CRAT: variants seen among roughly 807,000 people sequenced by gnomAD.
The protein encoded by CRAT is carnitine acetylase.
In CRAT, 66 loss-of-function variants were observed where a neutral mutation model predicts 73.7. The ratio of observed to expected loss-of-function variants is 0.90; its 90% CI spans 0.73 to 1.10. The LOEUF (loss-of-function observed/expected upper bound fraction) is 1.10, where lower values mean the gene tolerates loss of function less well. Among genes scored for constraint, CRAT ranks in the 50% least tolerant of loss-of-function variants. CRAT has a pLI of 0.00. For synonymous variants in CRAT, 321 were observed against 343.2 expected (o/e 0.94, Z 0.71); for missense variants, 745 against 846.9 (o/e 0.88, Z 1.49).
In CRAT at chr9:129,095,409, C is replaced by G. The variant is rs773085650; in HGVS notation, c.1869G>C (p.Arg623=). The stretch of plus-strand genomic sequence containing the variant: ...GAGTCCTAGGGGCTCAGAGCTTGGC[C>G]CGGGGGTGGCTCTGCAGCAGGGCAC... ...DMRALLQSHP[R]AKL is the part of the protein sequence containing the mutation. Residue 623 remains arginine (R), a synonymous_variant, in exon 14 of 14, where the codon CGG becomes CGC. Coordinates refer to ENST00000318080, the MANE Select transcript of CRAT (RefSeq NM_000755.5). The G allele has an allele frequency of 1.9e-6, 3 of 1,611,200 alleles. No individual in the cohort carries two copies. The South Asian group carries it at 3.3e-5, about 18-fold the overall frequency.
At position 129,098,619 on chromosome 9, in the gene CRAT, C is replaced by T; in HGVS notation, c.1117G>A (p.Val373Met). 4 of 1,600,386 alleles carry T rather than the reference C, an allele frequency of 2.5e-6. No individual in the cohort carries two copies. In the South Asian group the frequency reaches 3.4e-5, roughly 13 times the overall value. The part of the protein sequence containing the change: ...KKPELVRSPL[V>M]PLPMPKKLRF... ...AGCTTCTTGGGCATGGGCAGGGGCACCAGGGGAGACCGCACAAGCTCGGGT... is the reference window on the plus strand; with the variant it reads ...AGCTTCTTGGGCATGGGCAGGGGCATCAGGGGAGACCGCACAAGCTCGGGT... Residue 373 changes from valine to methionine, a missense_variant, in exon 9 of 14, where the codon GTG (valine) becomes ATG (methionine). Val to Met is a conservative substitution (Grantham distance 21). Transcript: ENST00000318080.
At chr9:129,109,849 G>A (rs1210643242) in intron 1 of CRAT, among the ~76,000 whole-genome samples, 1 of 151,706 alleles carries the variant, frequency 6.6e-6, no homozygotes, top group Admixed American at 6.6e-5. Flanking sequence ...GAGGACTGAG[G>A]GGTAGATATA....
At position 129,100,570 on chromosome 9, in the gene CRAT, G is replaced by C; in HGVS notation, c.925C>G (p.Leu309Val). Reference protein sequence around the residue: ...VYRSHVAGQMLHGGGSRLNSG... With the variant: ...VYRSHVAGQMVHGGGSRLNSG... ...TTGAGCCTGCTGCCGCCCCCATGCAGCATCTGGCCTGCCACGTGGCTGCGG... is the reference window on the plus strand; with the variant it reads ...TTGAGCCTGCTGCCGCCCCCATGCACCATCTGGCCTGCCACGTGGCTGCGG... Residue 309 changes from leucine (L) to valine (V), a missense_variant, in exon 7 of 14, where the codon CTG becomes GTG. By Grantham distance (32) the Leu-to-Val change is conservative. Transcript: ENST00000318080. The C allele has an allele frequency of 6.2e-7, 1 of 1,613,942 alleles. No homozygotes were observed. Among genetic ancestry groups the C allele is most frequent in the South Asian group, 1.1e-5 (1 of 91,090 alleles).
intron 6 of CRAT, among the ~76,000 whole-genome samples, chr9:129,101,396 T>C (rs1321184610): frequency 6.6e-6 from 1 of 152,222 alleles, no homozygotes; most frequent in Non-Finnish European, 1.5e-5. Flanking sequence ...ATTGCCATCA[T>C]GTTCCCATGC....
Position 129,102,059 on chromosome 9 carries a change from T to C in CRAT, c.631-2A>G, listed in dbSNP as rs1196759024. On this transcript the variant is annotated splice_acceptor_variant, in intron 5 of 13. Coordinates refer to ENST00000318080, the MANE Select transcript of CRAT (RefSeq NM_000755.5). LOFTEE classifies it high-confidence loss of function. ...GTGGTACACATCCAGCTCAAAAAAC[T>C]GTTGGGGCACAGGCAGGTAAGAGGA... The C allele has an allele frequency of 6.2e-7, 1 of 1,613,558 alleles. No individual in the cohort carries two copies. Among genetic ancestry groups the C allele is most frequent in the South Asian group, 1.1e-5 (1 of 91,010 alleles).
intron 11 of CRAT, 103 bp downstream of exon 11, chr9:129,097,910 T>C (rs980282308): frequency 6.7e-7 from 1 of 1,494,398 alleles, no homozygotes; most frequent in South Asian, 1.3e-5. Context: ...GTGCCCACCA[T>C]GGGGCTGGAA....
Position 129,095,851 on chromosome 9 carries a change from C to T in CRAT, c.1665+147G>A, listed in dbSNP as rs939333069. 16 of 1,201,548 alleles carry T rather than the reference C, an allele frequency of 1.3e-5. 1 individual carries two copies. In the South Asian group the frequency reaches 1.8e-4, roughly 13 times the overall value. 74.4% of individuals were successfully genotyped at this position (1,201,548 alleles called of 1,614,324 possible). A position where few individuals can be genotyped will look rare whatever the true frequency, so the allele number is the denominator to read the frequency against. ...GAGCACTGACCCCTTCTCAGCCTGC[C>T]TGGGCTGCAGAGAGGCCCCTGCCCC... On this transcript the variant is annotated intron_variant, in intron 13 of 13. Coordinates refer to ENST00000318080, the MANE Select transcript of CRAT (RefSeq NM_000755.5).
At position 129,110,445 on chromosome 9, in the gene CRAT, C is replaced by T. The variant is rs1250371150; in HGVS notation, c.27+38G>A. 1.3e-6 allele frequency: 2 copies of T among 1,539,664 alleles called. No individual in the cohort carries two copies. Among genetic ancestry groups the T allele is most frequent in the Non-Finnish European group, 1.7e-6 (2 of 1,150,742 alleles). On this transcript the variant is annotated intron_variant, in intron 1 of 13. Transcript: ENST00000318080. The surrounding 1 kb of genome is among the most constrained non-coding windows in gnomAD (Gnocchi z 5.3). ...ACGCAACCGCACGGCCCGCCCAGGC[C>T]GTCCAGGGCCCTCAGGCCCGGGATC...
At chr9:129,102,116 A>T in intron 5 of CRAT, 59 bp from the exon 6 acceptor site, 1 of 1,558,628 alleles carries the variant, frequency 6.4e-7, no homozygotes, top group Non-Finnish European at 8.7e-7. Flanking sequence ...GGCTGAGAGC[A>T]GCCACCTCCC....
At position 129,107,725 on chromosome 9, in the gene CRAT, C is replaced by G; in HGVS notation, c.291+89G>C. On this transcript the variant is annotated intron_variant, in intron 2 of 13. Transcript: ENST00000318080. The surrounding 1 kb of genome is among the most constrained non-coding windows in gnomAD (Gnocchi z 5.0). ...TATGTGCTCACGAAACTCTGGGCAG[C>G]AAACGAACGGCCGTGCCAGAGCAGT... The G allele has an allele frequency of 6.3e-7, 1 of 1,593,450 alleles. No homozygotes were observed. Among genetic ancestry groups the G allele is most frequent in the South Asian group, 1.1e-5 (1 of 89,538 alleles).
Position 129,098,145 on chromosome 9 carries a change from G to T in CRAT, c.1332C>A (p.Ile444=). ...QMALQLAYYR[I]YGQACATYES... ...CATAGGTGGCACATGCCTGTCCGTA[G>T]ATCCTGGTGGGAAATGGGGCTAAGC... The change falls in exon 11 of 14, where the codon ATC becomes ATA. Residue 444 remains isoleucine (I), a synonymous_variant. Transcript: ENST00000318080. The T allele has an allele frequency of 6.2e-7, 1 of 1,613,794 alleles. No homozygotes were observed. The highest frequency in any genetic ancestry group is 8.5e-7 in the Non-Finnish European group (1 of 1,180,022).
At position 129,100,530 on chromosome 9, in the gene CRAT, C is replaced by G. The variant is rs1184805329; in HGVS notation, c.965G>C (p.Trp322Ser). 1 of 1,613,462 alleles carries G rather than the reference C, an allele frequency of 6.2e-7. No individual in the cohort carries two copies. The highest frequency in any genetic ancestry group is 1.1e-5 in the South Asian group (1 of 91,062). The change falls in exon 7 of 14, where the codon TGG becomes TCG. Residue 322 changes from tryptophan (W) to serine (S), a missense_variant. Trp to Ser is a radical substitution (Grantham distance 177). Transcript: ENST00000318080. ...GGSRLNSGNR[W>S]FDKTLQFIVA... ...CCTCACCTGCAGCGTCTTGTCGAAC[C>G]AGCGGTTGCCGCTGTTGAGCCTGCT...
chr9:129,110,735 G>C lies in CRAT; in HGVS notation c.-226C>G. 1 of 609,928 alleles carries C rather than the reference G, an allele frequency of 1.6e-6. No individual in the cohort carries two copies. The highest frequency in any genetic ancestry group is 2.6e-6 in the Non-Finnish European group (1 of 377,582). 37.8% of individuals were successfully genotyped at this position (609,928 alleles called of 1,614,324 possible). A position where few individuals can be genotyped will look rare whatever the true frequency, so the allele number is the denominator to read the frequency against. On this transcript the variant is annotated 5_prime_UTR_variant, in exon 1 of 14. Coordinates refer to ENST00000318080, the MANE Select transcript of CRAT (RefSeq NM_000755.5). The surrounding 1 kb of genome is among the most constrained non-coding windows in gnomAD (Gnocchi z 5.3). ...GGAGGACTCGCGAGGCGGGGCCTGG[G>C]CCGGTAGCGGGCCCCGGGCGGGCAA...
At position 129,099,922 on chromosome 9, in the gene CRAT, A is replaced by G; in HGVS notation, c.1029T>C (p.His343=). Residue 343 remains histidine, a synonymous_variant, in exon 8 of 14, where the codon CAT becomes CAC. Coordinates refer to ENST00000318080, the MANE Select transcript of CRAT (RefSeq NM_000755.5). ...EDGSCGLVYE[H]AAAEGPPIVT... ...CAATAGGGGGCCCCTCCGCTGCAGC[A>G]TGCTCGTACACAAGCCCACAGGAGC... 6.2e-7 allele frequency: 1 copy of G among 1,612,506 alleles called. No homozygotes were observed. Among genetic ancestry groups the G allele is most frequent in the Non-Finnish European group, 8.5e-7 (1 of 1,179,420 alleles).
chr9:129,098,801 T>G (rs532346629), intron 8 of CRAT, 151 bp from the exon 9 acceptor site: 5 of 721,764 alleles, frequency 6.9e-6, no homozygotes, highest in Non-Finnish European at 7.8e-6. Flanking sequence ...TCACTTCAGC[T>G]TTTTTTTCTT....
Position 129,102,474 on chromosome 9 carries a change from T to C in CRAT, c.556A>G (p.Lys186Glu). 6.2e-7 allele frequency: 1 copy of C among 1,614,114 alleles called. No homozygotes were observed. The highest frequency in any genetic ancestry group is 8.5e-7 in the Non-Finnish European group (1 of 1,179,986). Residue 186 changes from lysine (K) to glutamate (E), a missense_variant, in exon 5 of 14, where the codon AAG (lysine) becomes GAG (glutamate). Transcript: ENST00000318080. ...ILSSCRVPGPKQDTVSNFSKT... is the reference protein window; with the variant it reads ...ILSSCRVPGPEQDTVSNFSKT... ...CTGAAGTTGCTGACTGTGTCCTGCT[T>C]GGGGCCCGGCACTCGGCAGGAGGAC...
rs1162821687 is a variant in CRAT, at chr9:129,110,126, G to A, written c.27+357C>T. On this transcript the variant is annotated intron_variant, in intron 1 of 13. Transcript: ENST00000318080. The surrounding 1 kb of genome is among the most constrained non-coding windows in gnomAD (Gnocchi z 5.3). ...GTGGCTCTGGCCTAAGCGTGCGACG[G>A]GTGTGTCAATCGGAGAATAACTGGG... 3.9e-5 allele frequency among the ~76,000 whole-genome samples: 6 copies of A among 152,134 alleles called. No homozygotes were observed. Among genetic ancestry groups the A allele is most frequent in the African/African-American group, 7.2e-5 (3 of 41,420 alleles).
chr9:129,095,150 C>T lies in CRAT; in HGVS notation c.*247G>A. The T allele has an allele frequency of 1.8e-6, 1 of 562,730 alleles. No individual in the cohort carries two copies. Among genetic ancestry groups the T allele is most frequent in the Non-Finnish European group, 3.2e-6 (1 of 315,652 alleles). 34.9% of individuals were successfully genotyped at this position (562,730 alleles called of 1,614,324 possible). A position where few individuals can be genotyped will look rare whatever the true frequency, so the allele number is the denominator to read the frequency against. ...GTGGAGGACGTGCCAGGGGCCCGGG[C>T]CTAACGTCCTGCTCAGCCTCTGCAC... is the stretch of plus-strand genomic sequence containing the variant. On this transcript the variant is annotated 3_prime_UTR_variant, in exon 14 of 14. Coordinates refer to ENST00000318080, the MANE Select transcript of CRAT (RefSeq NM_000755.5).
At chr9:129,108,282 G>C in intron 1 of CRAT, 2 of 984,874 alleles carry the variant, frequency 2.0e-6, no homozygotes, top group Non-Finnish European at 2.8e-6. Flanking sequence ...ATGGGGGAGG[G>C]TGGGGTGTGG....
Sources: allele counts gnomAD v4.1 joint callset (sites outside exome capture counted in the v4.1 genomes callset), GRCh38; gene constraint gnomAD v4.1.1; non-coding constraint Gnocchi (gnomAD v3.1); transcripts MANE v1.5; gene names NCBI Gene and HGNC (gene_info 2026-07-23, HGNC 2026-07-21).